Variants in MPP7 observed in about 807,000 individuals in gnomAD.
MPP7 encodes the protein MAGUK p55 subfamily member 7.
In MPP7, 60 loss-of-function variants were observed where a neutral mutation model predicts 76.5. That is an observed-to-expected ratio of 0.78 (90% confidence interval 0.64 to 0.97). The LOEUF is 0.97. Among genes scored for constraint, MPP7 ranks in the 50% least tolerant of loss-of-function variants. The pLI, the probability that MPP7 is intolerant of heterozygous loss-of-function variation, is 0.00. For synonymous variants in MPP7, 237 were observed against 244.5 expected, an observed-to-expected ratio of 0.97 and a Z score of 0.29; for missense variants, 641 against 694.0, an observed-to-expected ratio of 0.92 and a Z score of 0.86.
At position 28,051,827 on chromosome 10, in the gene MPP7, G is replaced by A. The variant is rs1175529571; in HGVS notation, c.*2238C>T. On this transcript the variant is annotated 3_prime_UTR_variant, in exon 17 of 17. Transcript: ENST00000683449. The stretch of plus-strand genomic sequence containing the variant: ...AGCACTTTGGGAGGCCAAGGCAGGA[G>A]GATTGCTTGAGCCCAGGAGTTCAAG... 1 of 151,938 alleles carries A rather than the reference G, an allele frequency of 6.6e-6. No individual in the cohort carries two copies. The highest frequency in any genetic ancestry group is 1.5e-5 in the Non-Finnish European group (1 of 68,218). The allele number at this position is 151,938 out of a possible 1,614,324, so 9.4% of individuals were successfully genotyped here.
chr10:28,283,499 T>C (rs1300379350), intron 1 of MPP7, among the ~76,000 whole-genome samples: 1 of 151,924 alleles, frequency 6.6e-6, no homozygotes, highest in Non-Finnish European at 1.5e-5. Context: ...TTCATACCAC[T>C]CTATTAAAAC....
chr10:28,128,899 A>G (rs12411923), intron 6 of MPP7, among the ~76,000 whole-genome samples: 14,836 of 152,248 alleles, frequency 0.097, 1,121 homozygotes, highest in African/African-American at 0.21. Context: ...TTTGGAATGT[A>G]TAGATAATGC....
At chr10:28,181,925 T>C (rs1391984785) in intron 3 of MPP7, among the ~76,000 whole-genome samples, 1 of 152,216 alleles carries the variant, frequency 6.6e-6, no homozygotes, top group East Asian at 1.9e-4. Flanking sequence ...GACTCATACA[T>C]GCTTTCAGTA....
intron 3 of MPP7, among the ~76,000 whole-genome samples, chr10:28,160,245 G>A (rs1469574753): frequency 6.6e-6 from 1 of 152,136 alleles, no homozygotes; most frequent in Non-Finnish European, 1.5e-5. Context: ...CTGCTAACCA[G>A]AACTCTGGTT....
At chr10:28,300,085 CA>C (rs1380420184) in intron 1 of MPP7, among the ~76,000 whole-genome samples, 1 of 152,130 alleles carries the variant, frequency 6.6e-6, no homozygotes, top group African/African-American at 2.4e-5. Context: ...AGACTTAAGT[CA>C]TTCATTACAA....
At chr10:28,313,476 A>C (rs920392695) in intron 2 of MPP7, among the ~76,000 whole-genome samples, 5 of 152,158 alleles carry the variant, frequency 3.3e-5, no homozygotes, top group South Asian at 4.2e-4. Context: ...ACTGCACTCC[A>C]GACTGGGCGA....
intron 2 of MPP7, among the ~76,000 whole-genome samples, chr10:28,315,160 AAGAG>A (rs1203207907): frequency 1.3e-5 from 2 of 150,006 alleles, no homozygotes; most frequent in African/African-American, 4.9e-5. Flanking sequence ...GAAAGACAGA[AAGAG>A]AGAGAGAGAA....
chr10:28,327,231 T>TAAAAAAAAA (rs59442840), intron 2 of MPP7, among the ~76,000 whole-genome samples: 63 of 95,466 alleles, frequency 6.6e-4, no homozygotes, highest in Non-Finnish European at 9.7e-4. Context: ...GTCAAAGAAG[T>TAAAAAAAAA]AAAAAAAAAA....
intron 2 of MPP7, among the ~76,000 whole-genome samples, chr10:28,207,550 TG>T (rs1371970883): frequency 2.0e-5 from 3 of 151,884 alleles, no homozygotes; most frequent in Non-Finnish European, 4.4e-5. Context: ...CCGGGCATGG[TG>T]GTGCACACCT....
At chr10:28,108,521 G>A (rs1834396922) in intron 11 of MPP7, among the ~76,000 whole-genome samples, 1 of 152,032 alleles carries the variant, frequency 6.6e-6, no homozygotes, top group African/African-American at 2.4e-5. Flanking sequence ...GCTGGCCGTG[G>A]TGGTGCAGGC....
intron 2 of MPP7, among the ~76,000 whole-genome samples, chr10:28,229,157 AG>A (rs1375178484): frequency 6.6e-6 from 1 of 152,246 alleles, no homozygotes; most frequent in Non-Finnish European, 1.5e-5. Context: ...GATAAGGCAT[AG>A]AAAATGAAAT....
chr10:28,154,128 A>G (rs1835971270), intron 3 of MPP7, among the ~76,000 whole-genome samples: 1 of 152,174 alleles, frequency 6.6e-6, no homozygotes, highest in African/African-American at 2.4e-5. Flanking sequence ...CTTGGTGGAT[A>G]AAACTCTCAA....
At chr10:28,276,441 C>T (rs1041685087) in intron 1 of MPP7, among the ~76,000 whole-genome samples, 1 of 152,012 alleles carries the variant, frequency 6.6e-6, no homozygotes, top group African/African-American at 2.4e-5. Flanking sequence ...TAATATAGTC[C>T]AGCCCAGATG....
chr10:28,316,191 C>G (rs1476929272), intron 2 of MPP7, among the ~76,000 whole-genome samples: 1 of 151,756 alleles, frequency 6.6e-6, no homozygotes, highest in African/African-American at 2.4e-5. Flanking sequence ...AATCCGAGGA[C>G]TTTGGGAGGA....
At chr10:28,062,286 A>G (rs965286668) in intron 13 of MPP7, among the ~76,000 whole-genome samples, 2 of 152,298 alleles carry the variant, frequency 1.3e-5, no homozygotes, top group African/African-American at 4.8e-5. Flanking sequence ...AATGACACCA[A>G]GTTAAACTGC....
intron 15 of MPP7, among the ~76,000 whole-genome samples, chr10:28,057,227 T>C (rs571321538): frequency 2.0e-5 from 3 of 152,342 alleles, no homozygotes; most frequent in Admixed American, 6.5e-5. Context: ...TAAGCAGGAC[T>C]GTCCCATTCA....
chr10:28,265,351 G>T (rs1020457932), intron 1 of MPP7, among the ~76,000 whole-genome samples: 1 of 152,198 alleles, frequency 6.6e-6, no homozygotes, highest in Non-Finnish European at 1.5e-5. Context: ...TTGAGCTCAG[G>T]AGTTCGAGAC....
At chr10:28,216,946 T>A (rs74129024) in intron 2 of MPP7, among the ~76,000 whole-genome samples, 13,633 of 152,076 alleles carry the variant, frequency 0.09, 696 homozygotes, top group Non-Finnish European at 0.12. Context: ...AGCAATATAA[T>A]TCATCTAGAA....
chr10:28,095,982 CA>C (rs1853551458), intron 11 of MPP7, among the ~76,000 whole-genome samples: 2 of 152,300 alleles, frequency 1.3e-5, no homozygotes, highest in South Asian at 4.2e-4. Context: ...GTTAAGACTG[CA>C]GCTGCAGGTC....
Sources: gnomAD v4.1 joint callset for allele counts (sites outside exome capture counted in the v4.1 genomes callset) on GRCh38, gnomAD v4.1.1 for gene constraint, MANE v1.5 for transcripts, NCBI Gene and HGNC (gene_info 2026-07-23, HGNC 2026-07-21) for gene names.